The following PPM1H variants were observed in gnomAD, a reference collection of about 807,000 sequenced individuals.
PPM1H encodes protein phosphatase, Mg2+/Mn2+ dependent 1H.
PPM1H carries 27 observed loss-of-function variants against 54.9 expected under a neutral mutation model. The observed-to-expected ratio is 0.49, with a 90% CI of 0.36 to 0.68. The LOEUF is 0.68. Ranked by LOEUF, PPM1H falls within the 30% of genes least tolerant of loss-of-function variation. PPM1H has a pLI of 0.00. For synonymous variants in PPM1H, 305 were observed against 270.8 expected, an observed-to-expected ratio of 1.13 and a Z score of -1.24; for missense variants, 596 against 667.8, an observed-to-expected ratio of 0.89 and a Z score of 1.19.
chr12:62,822,426 C>T (rs146971003), intron 2 of PPM1H, among the ~76,000 whole-genome samples: 13,392 of 152,256 alleles, frequency 0.088, 652 homozygotes, highest in Middle Eastern at 0.13. Context: ...CAGAACTCTC[C>T]ACCCCAAATC....
At chr12:62,888,868 T>C (rs1870684219) in intron 1 of PPM1H, among the ~76,000 whole-genome samples, 1 of 152,208 alleles carries the variant, frequency 6.6e-6, no homozygotes, top group African/African-American at 2.4e-5. Flanking sequence ...TTGTGAGTGA[T>C]GCAAGGTGAC....
intron 4 of PPM1H, among the ~76,000 whole-genome samples, chr12:62,765,472 A>G (rs2076536641): frequency 6.6e-6 from 1 of 152,218 alleles, no homozygotes; most frequent in Non-Finnish European, 1.5e-5. Flanking sequence ...CTGCAATGGT[A>G]TCAACGCTGT....
intron 2 of PPM1H, among the ~76,000 whole-genome samples, chr12:62,817,137 G>GAAAAAAAAAAAAACAAAAAAAAAAAA (rs2076872681): frequency 1.5e-5 from 1 of 67,364 alleles, no homozygotes; most frequent in African/African-American, 6.2e-5. Context: ...AAAAAAAAAA[G>GAAAAAAAAAAAAACAAAAAAAAAAAA]AAAAAAAAAA....
intron 1 of PPM1H, among the ~76,000 whole-genome samples, chr12:62,902,111 C>T (rs1871176390): frequency 6.6e-6 from 1 of 152,012 alleles, no homozygotes; most frequent in South Asian, 2.1e-4. Flanking sequence ...GCCTGTAATC[C>T]CAGCACTTTG....
At chr12:62,788,019 T>C (rs2076682865) in intron 4 of PPM1H, among the ~76,000 whole-genome samples, 2 of 152,238 alleles carry the variant, frequency 1.3e-5, no homozygotes, top group African/African-American at 4.8e-5. Flanking sequence ...GGTTTAGATT[T>C]ATCACAGACG....
chr12:62,890,996 C>T (rs1870774690), intron 1 of PPM1H, among the ~76,000 whole-genome samples: 1 of 149,752 alleles, frequency 6.7e-6, no homozygotes, highest in Non-Finnish European at 1.5e-5. Context: ...GTAATCCCAG[C>T]TACTTGGGAT....
intron 1 of PPM1H, among the ~76,000 whole-genome samples, chr12:62,851,267 A>G (rs1312935876): frequency 2.0e-5 from 3 of 152,260 alleles, no homozygotes; most frequent in Admixed American, 2.0e-4. Context: ...ATAATAGGGC[A>G]TTTCAGAAGG....
intron 1 of PPM1H, among the ~76,000 whole-genome samples, chr12:62,908,451 G>A (rs1425238746): frequency 6.7e-6 from 1 of 149,144 alleles, no homozygotes; most frequent in Admixed American, 6.7e-5. Context: ...ATTGAGTTTT[G>A]CTCATTTTTA....
At position 62,905,064 on chromosome 12, in the gene PPM1H, C is replaced by A. The variant is rs1202015356; in HGVS notation, c.245+29428G>T. 2.0e-5 allele frequency among the ~76,000 whole-genome samples: 3 copies of A among 152,266 alleles called. No homozygotes were observed. In the East Asian group the frequency reaches 5.8e-4, roughly 29 times the overall value. The stretch of plus-strand genomic sequence containing the variant: ...TACTCATGGTGTGACCCTAAACAAG[C>A]TAGTTCTCTCTCCTGGGCTTCAATT... On this transcript the variant is annotated intron_variant, in intron 1 of 9. Transcript: ENST00000228705.
At chr12:62,735,213 CT>C (rs1410433559) in intron 5 of PPM1H, among the ~76,000 whole-genome samples, 1 of 149,872 alleles carries the variant, frequency 6.7e-6, no homozygotes, top group African/African-American at 2.5e-5. Context: ...TTTTTTTTTT[CT>C]TTTTTTTAAA....
intron 2 of PPM1H, among the ~76,000 whole-genome samples, chr12:62,831,697 TTGTGTGTGTATGTG>T (rs1565802732): frequency 1.3e-5 from 2 of 149,576 alleles, no homozygotes; most frequent in South Asian, 2.1e-4. Flanking sequence ...CCGTCAAACA[TTGTGTGTGTATGTG>T]TGTGTGTGTG....
At chr12:62,827,467 T>G (rs1354761983) in intron 2 of PPM1H, among the ~76,000 whole-genome samples, 1 of 152,196 alleles carries the variant, frequency 6.6e-6, no homozygotes, top group Non-Finnish European at 1.5e-5. Context: ...ACTCCTGGCC[T>G]TCCCAAGTCA....
At chr12:62,910,817 C>A (rs946763970) in intron 1 of PPM1H, among the ~76,000 whole-genome samples, 1 of 152,146 alleles carries the variant, frequency 6.6e-6, no homozygotes, top group Admixed American at 6.5e-5. Context: ...GGAGCACCAG[C>A]CAGCAAATCT....
At chr12:62,924,704 A>G (rs1871918402) in intron 1 of PPM1H, among the ~76,000 whole-genome samples, 2 of 152,208 alleles carry the variant, frequency 1.3e-5, no homozygotes, top group South Asian at 2.1e-4. Flanking sequence ...ATTTGATAAC[A>G]ATACAAGTAG....
intron 5 of PPM1H, among the ~76,000 whole-genome samples, chr12:62,733,464 G>A (rs1303551987): frequency 1.3e-5 from 2 of 152,020 alleles, no homozygotes; most frequent in South Asian, 2.1e-4. Flanking sequence ...TCACCATGTT[G>A]GCCAGGCTGG....
intron 9 of PPM1H, among the ~76,000 whole-genome samples, chr12:62,656,470 A>T (rs183590487): frequency 2.6e-5 from 4 of 152,338 alleles, no homozygotes; most frequent in Admixed American, 6.5e-5. Flanking sequence ...TCTACGTCTT[A>T]TAGTCTGTTT....
chr12:62,910,220 T>C (rs1871413499), intron 1 of PPM1H, among the ~76,000 whole-genome samples: 1 of 152,060 alleles, frequency 6.6e-6, no homozygotes, highest in African/African-American at 2.4e-5. Context: ...TGGAAGGGAA[T>C]CAGAAAGAGA....
intron 4 of PPM1H, among the ~76,000 whole-genome samples, chr12:62,780,468 T>C (rs537707269): frequency 1.3e-5 from 2 of 152,270 alleles, no homozygotes; most frequent in African/African-American, 4.8e-5. Context: ...GCCCAACTAA[T>C]TGAAACAAAA....
chr12:62,663,506 G>T (rs1294522996), intron 9 of PPM1H, among the ~76,000 whole-genome samples: 1 of 152,090 alleles, frequency 6.6e-6, no homozygotes, highest in African/African-American at 2.4e-5. Context: ...TTTCTAACAA[G>T]TTCCCAGGTG....
Sources: allele counts gnomAD v4.1 joint callset (sites outside exome capture counted in the v4.1 genomes callset), GRCh38; gene constraint gnomAD v4.1.1; transcripts MANE v1.5; gene names NCBI Gene and HGNC (gene_info 2026-07-23, HGNC 2026-07-21).